Variants in EMID1 observed in about 807,000 individuals in gnomAD.
EMID1 encodes the protein EMI domain containing 1.
In EMID1, 40 loss-of-function variants were observed where a neutral mutation model predicts 60.6. That is an observed-to-expected ratio of 0.66 (90% confidence interval 0.51 to 0.86). The LOEUF (loss-of-function observed/expected upper bound fraction) is 0.86, where lower values mean the gene tolerates loss of function less well. Among genes scored for constraint, EMID1 ranks in the 40% least tolerant of loss-of-function variants. EMID1 has a pLI of 0.00. For synonymous variants in EMID1, 242 were observed against 231.0 expected, an observed-to-expected ratio of 1.05 and a Z score of -0.43; for missense variants, 585 against 597.1, an observed-to-expected ratio of 0.98 and a Z score of 0.21.
At chr22:29,228,198 G>C (rs1422971786) in intron 5 of EMID1, among the ~76,000 whole-genome samples, 1 of 149,686 alleles carries the variant, frequency 6.7e-6, no homozygotes, top group Non-Finnish European at 1.5e-5. Context: ...GTGGTGGCAG[G>C]TACCTGTAAT....
intron 5 of EMID1, among the ~76,000 whole-genome samples, chr22:29,227,745 A>G (rs971500581): frequency 1.3e-5 from 2 of 149,920 alleles, no homozygotes; most frequent in African/African-American, 4.9e-5. Context: ...GGCCAGGCGC[A>G]GTGGCTCATG....
At chr22:29,212,940 G>A (rs191751328) in intron 1 of EMID1, among the ~76,000 whole-genome samples, 43 of 152,284 alleles carry the variant, frequency 2.8e-4, no homozygotes, top group Admixed American at 2.0e-3. Context: ...AGCTCCTGGC[G>A]TGCAGCAAGC....
intron 3 of EMID1, 44 bp downstream of exon 3, chr22:29,215,674 C>T (rs764290599): frequency 3.3e-6 from 5 of 1,512,732 alleles, no homozygotes; most frequent in Non-Finnish European, 4.6e-6. Context: ...GACAGCAGGC[C>T]AGGTGCCTCC....
intron 12 of EMID1, among the ~76,000 whole-genome samples, chr22:29,242,433 A>G (rs1489241218): frequency 6.6e-6 from 1 of 152,210 alleles, no homozygotes; most frequent in Non-Finnish European, 1.5e-5. Context: ...TATCAATTTC[A>G]GTAGATTCTT....
chr22:29,218,068 C>T (rs142757340), intron 3 of EMID1, among the ~76,000 whole-genome samples: 296 of 152,364 alleles, frequency 1.9e-3, no homozygotes, highest in Non-Finnish European at 3.5e-3. Flanking sequence ...CTCTCTGAAC[C>T]TTGGCTTTAT....
intron 3 of EMID1, among the ~76,000 whole-genome samples, chr22:29,218,704 A>G (rs1378675740): frequency 5.9e-5 from 9 of 152,194 alleles, no homozygotes; most frequent in East Asian, 1.9e-4. Flanking sequence ...GAGCCCCACA[A>G]TCACCTTTTC....
At chr22:29,225,312 T>C in intron 4 of EMID1, 96 bp downstream of exon 4, 5 of 1,288,108 alleles carry the variant, frequency 3.9e-6, no homozygotes, top group Non-Finnish European at 4.4e-6. Flanking sequence ...AGCCAGTAGG[T>C]CTGGCAGTGG....
chr22:29,242,967 T>C (rs931150449), intron 12 of EMID1, among the ~76,000 whole-genome samples: 1 of 152,222 alleles, frequency 6.6e-6, no homozygotes, highest in African/African-American at 2.4e-5. Context: ...CTTGGAGTAT[T>C]GCCCTGTGAT....
intron 3 of EMID1, chr22:29,216,578 C>G (rs1040326540): frequency 4.1e-6 from 4 of 985,324 alleles, no homozygotes; most frequent in Non-Finnish European, 4.8e-6. Context: ...CACAAATGTG[C>G]GAAAATGTAG....
chr22:29,225,076 G>A (rs1265112578), intron 3 of EMID1, 57 bp from the exon 4 acceptor site: 44 of 1,577,220 alleles, frequency 2.8e-5, no homozygotes, highest in Non-Finnish European at 3.6e-5. Context: ...GGTGGGCAGG[G>A]GGGCCTGAGG....
At chr22:29,254,380 C>A in intron 14 of EMID1, 93 bp downstream of exon 14, 1 of 1,264,732 alleles carries the variant, frequency 7.9e-7, no homozygotes, top group Non-Finnish European at 1.2e-6. Context: ...TGAGCCCAGT[C>A]ATGAGGCTGG....
At chr22:29,233,974 T>C in intron 10 of EMID1, 163 bp from the exon 11 acceptor site, 2 of 768,604 alleles carry the variant, frequency 2.6e-6, no homozygotes, top group East Asian at 2.7e-5. Flanking sequence ...ATCAGATCTT[T>C]TAACACTGAG....
intron 8 of EMID1, chr22:29,232,958 G>C (rs2040810619): frequency 4.7e-6 from 1 of 214,718 alleles, no homozygotes; most frequent in African/African-American, 2.3e-5. Flanking sequence ...CATTCATTCT[G>C]CCATCCCAGC....
At chr22:29,238,755 A>G (rs2041054777) in intron 12 of EMID1, among the ~76,000 whole-genome samples, 1 of 126,820 alleles carries the variant, frequency 7.9e-6, no homozygotes, top group African/African-American at 3.4e-5. Context: ...TAGAAGCAAG[A>G]TCTCACTATG....
At chr22:29,214,791 C>A (rs2040021655) in intron 1 of EMID1, 135 bp from the exon 2 acceptor site, 1 of 559,814 alleles carries the variant, frequency 1.8e-6, no homozygotes, top group Non-Finnish European at 3.0e-6. Flanking sequence ...AATGACTTTG[C>A]AAGCTCAGGG....
chr22:29,244,912 G>T (rs117543367), intron 13 of EMID1, among the ~76,000 whole-genome samples: 2,379 of 152,090 alleles, frequency 0.016, 26 homozygotes, highest in Middle Eastern at 0.024. Context: ...TTTGGCGGTG[G>T]GGGGGATTGT....
chr22:29,220,035 A>G (rs1304962803), intron 3 of EMID1, among the ~76,000 whole-genome samples: 1 of 149,300 alleles, frequency 6.7e-6, no homozygotes. Flanking sequence ...AGCAACCCCC[A>G]CCTCCTGCCA....
intron 3 of EMID1, 70 bp from the exon 4 acceptor site, chr22:29,225,063 A>G (rs2040448129): frequency 1.3e-6 from 2 of 1,513,696 alleles, no homozygotes; most frequent in South Asian, 1.1e-5. Context: ...CTGGGGCTAC[A>G]GTGGTGGGCA....
chr22:29,254,049 C>T (rs892218986), intron 13 of EMID1, 154 bp from the exon 14 acceptor site: 62 of 985,346 alleles, frequency 6.3e-5, no homozygotes, highest in Admixed American at 1.2e-4. Flanking sequence ...CTGTCCTCAC[C>T]TGGTCTTGTT....
Sources: gnomAD v4.1 joint callset for allele counts (sites outside exome capture counted in the v4.1 genomes callset) on GRCh38, gnomAD v4.1.1 for gene constraint, MANE v1.5 for transcripts, NCBI Gene and HGNC (gene_info 2026-07-23, HGNC 2026-07-21) for gene names.